The following RAB5A variants were observed in gnomAD, a reference collection of about 807,000 sequenced individuals.
RAB5A encodes the protein RAB5A, member RAS oncogene family.
Under a neutral mutation model 25.7 loss-of-function variants are expected in RAB5A, and 8 were observed. The observed-to-expected ratio is 0.31, with a 90% CI of 0.18 to 0.56. RAB5A has a LOEUF of 0.56. RAB5A is among the 20% of genes least tolerant of loss of function. The pLI is 0.91. For missense variants in RAB5A, 192 were observed against 259.7 expected, an observed-to-expected ratio of 0.74 and a Z score of 1.79; for synonymous variants, 98 against 89.8, an observed-to-expected ratio of 1.09 and a Z score of -0.52.
At chr3:19,967,020 T>C (rs1170718979) in intron 2 of RAB5A, among the ~76,000 whole-genome samples, 1 of 152,224 alleles carries the variant, frequency 6.6e-6, no homozygotes, top group Non-Finnish European at 1.5e-5. Context: ...CTTGAACGCC[T>C]GCTTAAGCAG....
At chr3:19,983,616 C>T in intron 5 of RAB5A, 92 bp from the exon 6 acceptor site, 3 of 875,626 alleles carry the variant, frequency 3.4e-6, no homozygotes, top group South Asian at 1.5e-5. Flanking sequence ...TTGGGGGTAA[C>T]CTAACTGGAA....
chr3:19,968,999 G>C (rs1003073404), intron 2 of RAB5A, among the ~76,000 whole-genome samples: 10 of 149,944 alleles, frequency 6.7e-5, no homozygotes, highest in Non-Finnish European at 1.5e-4. Flanking sequence ...GCTGTGCTTG[G>C]GTTTTTTGCA....
rs1553638835 is a variant in RAB5A at position 19,963,376 on chromosome 3, C to CCACCG, written c.164-12224_164-12223insACCGC. Reference sequence around the variant, plus strand: ...ATCTTAGAATTTCACCCCCCCCCCCCCCGACTTATTTTCGTAAGATCAATT... The same window carrying CCACCG: ...ATCTTAGAATTTCACCCCCCCCCCCCCACCGCCGACTTATTTTCGTAAGATCAATT... On this transcript the variant is annotated intron_variant, in intron 2 of 5. Coordinates refer to ENST00000273047, the MANE Select transcript of RAB5A (RefSeq NM_004162.5). 9.3e-4 allele frequency among the ~76,000 whole-genome samples: 81 copies of CCACCG among 86,860 alleles called. 2 individuals carry two copies. The highest frequency in any genetic ancestry group is 5.5e-3 in the Middle Eastern group (1 of 182). The allele number at this position is 86,860 out of a possible 152,430, so 57.0% of individuals were successfully genotyped here. A position where few individuals can be genotyped will look rare whatever the true frequency, so the allele number is the denominator to read the frequency against.
At chr3:19,983,328 A>G (rs1575080258) in intron 5 of RAB5A, among the ~76,000 whole-genome samples, 1 of 143,516 alleles carries the variant, frequency 7.0e-6, no homozygotes, top group Non-Finnish European at 1.5e-5. Flanking sequence ...CCTGGGTGAC[A>G]GAGTGAGACT....
intron 5 of RAB5A, among the ~76,000 whole-genome samples, chr3:19,979,332 G>A (rs546203253): frequency 7.3e-4 from 108 of 147,756 alleles, no homozygotes; most frequent in African/African-American, 2.5e-3. Context: ...CACCCAGGTT[G>A]GAGTGCAGTG....
intron 5 of RAB5A, among the ~76,000 whole-genome samples, chr3:19,982,175 C>G (rs188245644): frequency 1.4e-3 from 217 of 152,186 alleles, no homozygotes; most frequent in African/African-American, 4.9e-3. Flanking sequence ...GAGTTCAAGG[C>G]TGCAGTGAGC....
intron 2 of RAB5A, among the ~76,000 whole-genome samples, chr3:19,954,397 TTTGA>T: frequency 6.6e-6 from 1 of 152,228 alleles, no homozygotes; most frequent in South Asian, 2.1e-4. Flanking sequence ...TTAATCTCTA[TTTGA>T]TTGTGTTCGA....
intron 2 of RAB5A, among the ~76,000 whole-genome samples, chr3:19,965,918 C>T (rs1168936547): frequency 6.6e-6 from 1 of 151,840 alleles, no homozygotes; most frequent in African/African-American, 2.4e-5. Flanking sequence ...TTAGTAGAAA[C>T]GATTTCTCCA....
intron 2 of RAB5A, among the ~76,000 whole-genome samples, chr3:19,963,467 A>C (rs1204116575): frequency 1.3e-5 from 2 of 149,504 alleles, no homozygotes; most frequent in Non-Finnish European, 3.0e-5. Flanking sequence ...GGATCAAAAG[A>C]ATTCTAATCT....
In RAB5A at chr3:19,947,228, G is replaced by T; in HGVS notation, c.-387G>T. The T allele has an allele frequency of 5.7e-6, 1 of 174,336 alleles. No individual in the cohort carries two copies. The highest frequency in any genetic ancestry group is 1.2e-4 in the South Asian group (1 of 8,454). The allele number at this position is 174,336 out of a possible 1,614,324, so 10.8% of individuals were successfully genotyped here. A position where few individuals can be genotyped will look rare whatever the true frequency, so the allele number is the denominator to read the frequency against. ...GGCTGGCCTTAGGGGAGGAGGCAGA[G>T]GGAGGAGGAGGAGGAAGAATTAGTC... On this transcript the variant is annotated 5_prime_UTR_variant, in exon 1 of 6. It adds an upstream start codon to the 5' untranslated region. Coordinates refer to ENST00000273047, the MANE Select transcript of RAB5A (RefSeq NM_004162.5).
chr3:19,964,584 G>C (rs1696634740), intron 2 of RAB5A, among the ~76,000 whole-genome samples: 2 of 152,040 alleles, frequency 1.3e-5, no homozygotes, highest in African/African-American at 4.8e-5. Context: ...ATCAGGTTTG[G>C]GGCACTAACT....
chr3:19,962,600 T>A lies in RAB5A; in HGVS notation c.163+11539T>A, dbSNP rs144133115. ...AAAAAGTACTGTCTGCCGTAAGACCTATCTATATCAAAAGAACGTCCGCAT... is the reference window on the plus strand; with the variant it reads ...AAAAAGTACTGTCTGCCGTAAGACCAATCTATATCAAAAGAACGTCCGCAT... On this transcript the variant is annotated intron_variant, in intron 2 of 5. Transcript: ENST00000273047. Among the ~76,000 whole-genome samples the A allele has an allele frequency of 1.6e-4, 25 of 152,190 alleles. No homozygotes were observed. The East Asian group carries it at 4.6e-3, about 28-fold the overall frequency.
At chr3:19,969,261 C>T (rs939117927) in intron 2 of RAB5A, among the ~76,000 whole-genome samples, 1 of 151,952 alleles carries the variant, frequency 6.6e-6, no homozygotes, top group African/African-American at 2.4e-5. Context: ...CCTGGCTGGT[C>T]TTGAACTCCT....
At chr3:19,954,707 A>G (rs1373539448) in intron 2 of RAB5A, among the ~76,000 whole-genome samples, 1 of 152,146 alleles carries the variant, frequency 6.6e-6, no homozygotes, top group East Asian at 1.9e-4. Context: ...AGTCCCAGCT[A>G]CTGAGAAGGC....
At position 19,975,767 on chromosome 3, in the gene RAB5A, A is replaced by G. The variant is rs1473546936; in HGVS notation, c.315+15A>G. On this transcript the variant is annotated intron_variant, in intron 3 of 5. Coordinates refer to ENST00000273047, the MANE Select transcript of RAB5A (RefSeq NM_004162.5). ...TCACAAATGAGGTAAGTATGGATGC[A>G]TTCCACAGTAAAACTAATTTGAGTA... 2 of 1,590,104 alleles carry G rather than the reference A, an allele frequency of 1.3e-6. No individual in the cohort carries two copies. The highest frequency in any genetic ancestry group is 1.8e-5 in the Admixed American group (1 of 54,654).
chr3:19,958,945 AG>A (rs1340089678), intron 2 of RAB5A, among the ~76,000 whole-genome samples: 15 of 152,344 alleles, frequency 9.8e-5, no homozygotes, highest in East Asian at 3.9e-4. Context: ...TCTCAAAAAA[AG>A]AAAAAAGGAT....
chr3:19,976,461 G>A (rs1028245522), intron 4 of RAB5A, among the ~76,000 whole-genome samples: 44 of 152,168 alleles, frequency 2.9e-4, no homozygotes, highest in African/African-American at 9.9e-4. Context: ...CGAGGTGGGT[G>A]GATCACCTGA....
intron 2 of RAB5A, among the ~76,000 whole-genome samples, chr3:19,972,803 A>AT (rs1166173327): frequency 1.3e-5 from 2 of 152,160 alleles, no homozygotes; most frequent in Non-Finnish European, 2.9e-5. Context: ...ATTTTTGTAC[A>AT]TGTATGGTGT....
At chr3:19,964,159 T>G (rs1426869417) in intron 2 of RAB5A, among the ~76,000 whole-genome samples, 3 of 152,212 alleles carry the variant, frequency 2.0e-5, no homozygotes, top group African/African-American at 7.2e-5. Context: ...CTTGCACATT[T>G]GACAAGTTTA....
Sources: allele counts gnomAD v4.1 joint callset (sites outside exome capture counted in the v4.1 genomes callset), GRCh38; gene constraint gnomAD v4.1.1; transcripts MANE v1.5; gene names NCBI Gene and HGNC (gene_info 2026-07-23, HGNC 2026-07-21).